CNDP2: variants seen among roughly 807,000 people sequenced by gnomAD.
The protein encoded by CNDP2 is carnosine dipeptidase 2.
Under a neutral mutation model 55.0 loss-of-function variants are expected in CNDP2, and 38 were observed. That is an observed-to-expected ratio of 0.69 (90% CI 0.53 to 0.90). The LOEUF is 0.90. Among genes scored for constraint, CNDP2 ranks in the 40% least tolerant of loss-of-function variants. The pLI, the probability that CNDP2 is intolerant of heterozygous loss-of-function variation, is 0.00. For missense variants in CNDP2, 607 were observed against 621.7 expected (o/e 0.98, Z 0.25); for synonymous variants, 241 against 260.2 (o/e 0.93, Z 0.71).
intron 8 of CNDP2, among the ~76,000 whole-genome samples, chr18:74,514,321 T>G (rs1335360588): frequency 1.3e-5 from 2 of 150,234 alleles, no homozygotes; most frequent in African/African-American, 2.5e-5. Flanking sequence ...AGGCTATAGG[T>G]TTATGTGGTA....
chr18:74,504,626 C>G (rs1020344029), intron 3 of CNDP2: 2 of 152,264 alleles, frequency 1.3e-5, no homozygotes, highest in Non-Finnish European at 2.9e-5. Flanking sequence ...GTTAATTTAA[C>G]TTCATTATCA....
In CNDP2 at chr18:74,521,594, G is replaced by C. The variant is rs1021659456; in HGVS notation, c.*1526G>C. 2.6e-5 allele frequency: 4 copies of C among 152,362 alleles called. No homozygotes were observed. Among genetic ancestry groups the C allele is most frequent in the African/African-American group, 9.6e-5 (4 of 41,562 alleles). The allele number at this position is 152,362 out of a possible 1,614,324, so 9.4% of individuals were successfully genotyped here. Reference sequence around the variant, plus strand: ...GAAGAGTTTGCAGGGGCCCAGGGGAGCAATTGGAGTGAGAAAATAGCAGTA... The same window carrying C: ...GAAGAGTTTGCAGGGGCCCAGGGGACCAATTGGAGTGAGAAAATAGCAGTA... On this transcript the variant is annotated 3_prime_UTR_variant, in exon 12 of 12. Coordinates refer to ENST00000324262, the MANE Select transcript of CNDP2 (RefSeq NM_018235.3).
chr18:74,505,698 A>G, intron 3 of CNDP2, 151 bp from the exon 4 acceptor site: 1 of 747,914 alleles, frequency 1.3e-6, no homozygotes, highest in Admixed American at 3.6e-5. Context: ...TTAATTAGTG[A>G]CTCCATTGAA....
intron 6 of CNDP2, 142 bp downstream of exon 6, chr18:74,511,155 T>G: frequency 1.5e-6 from 1 of 672,926 alleles, no homozygotes; most frequent in Non-Finnish European, 2.5e-6. Context: ...AATTCCCAGC[T>G]TCCATAAACC....
At chr18:74,516,164 C>G in intron 8 of CNDP2, 64 bp from the exon 9 acceptor site, 1 of 1,503,122 alleles carries the variant, frequency 6.7e-7, no homozygotes, top group Non-Finnish European at 9.0e-7. Context: ...CCCAGCTCCT[C>G]GGTGAGCAGA....
intron 3 of CNDP2, among the ~76,000 whole-genome samples, chr18:74,503,540 T>C (rs1413758689): frequency 6.6e-6 from 1 of 152,276 alleles, no homozygotes; most frequent in African/African-American, 2.4e-5. Flanking sequence ...AGAAAATGCC[T>C]AAGTATTTCA....
intron 2 of CNDP2, 106 bp downstream of exon 2, chr18:74,500,139 TAGA>T (rs1978612756): frequency 1.1e-6 from 1 of 938,066 alleles, no homozygotes; most frequent in Admixed American, 2.3e-5. Flanking sequence ...AATCCAGGGT[TAGA>T]AGATCTGCCT....
chr18:74,501,216 T>C, intron 2 of CNDP2, 113 bp from the exon 3 acceptor site: 1 of 1,475,472 alleles, frequency 6.8e-7, no homozygotes, highest in South Asian at 1.4e-5. Flanking sequence ...AATCAGCCTG[T>C]TCAACTGCAG....
At chr18:74,499,045 C>A (rs1280019457) in intron 1 of CNDP2, among the ~76,000 whole-genome samples, 2 of 152,188 alleles carry the variant, frequency 1.3e-5, no homozygotes, top group Non-Finnish European at 2.9e-5. Context: ...ATGCTCTTTA[C>A]CTGCAGCATG....
chr18:74,515,395 C>G (rs549338647), intron 8 of CNDP2, among the ~76,000 whole-genome samples: 1 of 152,120 alleles, frequency 6.6e-6, no homozygotes, highest in African/African-American at 2.4e-5. Flanking sequence ...GGGTTGGGCA[C>G]GGGGAGGAGC....
At chr18:74,514,374 G>A (rs1294008018) in intron 8 of CNDP2, among the ~76,000 whole-genome samples, 1 of 152,100 alleles carries the variant, frequency 6.6e-6, no homozygotes, top group Non-Finnish European at 1.5e-5. Context: ...CGGTACAGAT[G>A]TAAGTTCTGC....
Position 74,520,146 on chromosome 18 carries a change from G to A in CNDP2, c.*78G>A, listed in dbSNP as rs772901498. On this transcript the variant is annotated 3_prime_UTR_variant, in exon 12 of 12. Coordinates refer to ENST00000324262, the MANE Select transcript of CNDP2 (RefSeq NM_018235.3). ...ACCCTTTTCCAACTTGCCCAGGGAA[G>A]TGGAGGTTCCCTCTTTCCTTTCCCT... The A allele has an allele frequency of 8.7e-6, 12 of 1,380,958 alleles. No homozygotes were observed. Among genetic ancestry groups the A allele is most frequent in the Non-Finnish European group, 1.1e-5 (11 of 974,324 alleles). The allele number at this position is 1,380,958 out of a possible 1,614,324, so 85.5% of individuals were successfully genotyped here.
At chr18:74,508,126 G>C (rs988044808) in intron 4 of CNDP2, 1 of 152,264 alleles carries the variant, frequency 6.6e-6, no homozygotes, top group Admixed American at 6.5e-5. Flanking sequence ...CCACGAGAAG[G>C]CCACGCCTTG....
At chr18:74,512,409 A>T in intron 6 of CNDP2, 39 bp from the exon 7 acceptor site, 6 of 1,561,222 alleles carry the variant, frequency 3.8e-6, no homozygotes, top group Non-Finnish European at 5.3e-6. Flanking sequence ...ATAAGCTCCC[A>T]CTAGGCAGCC....
chr18:74,513,443 G>T (rs1222076486), intron 7 of CNDP2, 116 bp from the exon 8 acceptor site: 2 of 1,134,700 alleles, frequency 1.8e-6, no homozygotes, highest in Non-Finnish European at 1.2e-6. Context: ...CCACGTGGCT[G>T]TGGGGCCTGA....
At chr18:74,508,758 G>A in intron 4 of CNDP2, 82 bp from the exon 5 acceptor site, 3 of 1,115,220 alleles carry the variant, frequency 2.7e-6, no homozygotes, top group Non-Finnish European at 4.1e-6. Context: ...TGGCTAAGGG[G>A]TTATCAGATG....
chr18:74,509,632 C>CA (rs35007246), intron 5 of CNDP2: 60,226 of 137,440 alleles, frequency 0.44, 12,749 homozygotes, highest in East Asian at 0.67. Context: ...GACTCTGTCT[C>CA]AAAAAAAAAA....
rs770741352 is a variant in CNDP2, at chr18:74,505,995, C to G, written c.351C>G (p.Thr117=). 3.1e-6 allele frequency: 5 copies of G among 1,592,992 alleles called. No homozygotes were observed. Among genetic ancestry groups the G allele is most frequent in the Non-Finnish European group, 3.4e-6 (4 of 1,173,174 alleles). ...LEDGWDSEPF[T]LVERDGKLYG... The stretch of plus-strand genomic sequence containing the variant: ...ACGGCTGGGACAGCGAGCCCTTCAC[C>G]CTGGTGGAGCGAGACGGTGAGCGCC... Residue 117 remains threonine (T), a synonymous_variant, in exon 4 of 12, where the codon ACC becomes ACG. Transcript: ENST00000324262.
rs199885286 is a variant in CNDP2, at chr18:74,513,675, T to C, written c.859T>C (p.Phe287Leu). Residue 287 changes from phenylalanine (F) to leucine (L), a missense_variant, in exon 8 of 12, where the codon TTT becomes CTT. Physicochemically the swap from Phe to Leu is conservative, Grantham distance 22. Transcript: ENST00000324262. The part of the protein sequence containing the change: ...YDDIDFDIEE[F>L]AKDVGAQILL... ...CGACATCGACTTTGACATAGAGGAG[T>C]TTGCCAAGGATGTGGGGGCGCAGAT... is the stretch of plus-strand genomic sequence containing the variant. The C allele has an allele frequency of 6.2e-7, 1 of 1,613,660 alleles. No homozygotes were observed. The highest frequency in any genetic ancestry group is 1.1e-5 in the South Asian group (1 of 91,058).
Sources: allele counts gnomAD v4.1 joint callset (sites outside exome capture counted in the v4.1 genomes callset), GRCh38; gene constraint gnomAD v4.1.1; transcripts MANE v1.5; gene names NCBI Gene and HGNC (gene_info 2026-07-23, HGNC 2026-07-21).